The following IQSEC1 variants were observed in gnomAD, a reference collection of about 807,000 sequenced individuals.
The protein encoded by IQSEC1 is IQ motif and SEC7 domain-containing protein 1.
A neutral mutation model predicts 91.0 loss-of-function variants in IQSEC1; 31 were observed. The ratio of observed to expected loss-of-function variants is 0.34; its 90% CI spans 0.26 to 0.46. The LOEUF (loss-of-function observed/expected upper bound fraction) is 0.46, where lower values mean the gene tolerates loss of function less well. IQSEC1 is among the 20% of genes least tolerant of loss of function. The pLI is 1.00. For synonymous variants in IQSEC1, 699 were observed against 662.6 expected (o/e 1.05, Z -0.84); for missense variants, 1,388 against 1,575.6 (o/e 0.88, Z 2.02).
chr3:13,027,278 G>A (rs966973856), intron 1 of IQSEC1, among the ~76,000 whole-genome samples: 3 of 152,178 alleles, frequency 2.0e-5, no homozygotes, highest in African/African-American at 4.8e-5. Context: ...ATCTTGTCTC[G>A]GGCCTAGGAT....
At chr3:13,191,294 C>T (rs1694025527) in intron 1 of IQSEC1, among the ~76,000 whole-genome samples, 1 of 152,166 alleles carries the variant, frequency 6.6e-6, no homozygotes, top group African/African-American at 2.4e-5. Context: ...CAGACCTCTC[C>T]AGAGCTGGGC....
At chr3:13,236,350 G>A in intron 1 of IQSEC1, among the ~76,000 whole-genome samples, 1 of 152,216 alleles carries the variant, frequency 6.6e-6, no homozygotes, top group East Asian at 1.9e-4. Context: ...TGCTGGACTG[G>A]AAACTGTTCT....
At chr3:13,038,248 A>ATGTG (rs57707910) in intron 1 of IQSEC1, among the ~76,000 whole-genome samples, 22 of 116,390 alleles carry the variant, frequency 1.9e-4, no homozygotes, top group African/African-American at 2.8e-4. Flanking sequence ...AAGTATATAT[A>ATGTG]TGTGTGTGTG....
chr3:12,954,310 C>A (rs1699759602), intron 1 of IQSEC1, among the ~76,000 whole-genome samples: 1 of 152,194 alleles, frequency 6.6e-6, no homozygotes, highest in African/African-American at 2.4e-5. Context: ...GATGAGAGGG[C>A]AGCCCCTAGA....
rs59204175 is a variant in IQSEC1 at position 13,131,037 on chromosome 3, AAAGG to A, written c.302+33063_302+33066del. Among the ~76,000 whole-genome samples, 764 of 143,880 alleles carry A rather than the reference AAAGG, an allele frequency of 5.3e-3. 3 individuals carry two copies. Among genetic ancestry groups the A allele is most frequent in the Non-Finnish European group, 6.7e-3 (440 of 65,610 alleles). The allele number at this position is 143,880 out of a possible 152,430, so 94.4% of individuals were successfully genotyped here. On this transcript the variant is annotated intron_variant, in intron 2 of 15. Coordinates refer to the IQSEC1 transcript ENST00000648114. ...AGGAACGGAAGGGAAGGAAGGAAGG[AAAGG>A]AAGGAAGGAAGGAAGGAAGGAAGGA... is the stretch of plus-strand genomic sequence containing the variant.
intron 1 of IQSEC1, among the ~76,000 whole-genome samples, chr3:13,275,783 C>T (rs1197814049): frequency 6.6e-6 from 1 of 152,178 alleles, no homozygotes; most frequent in African/African-American, 2.4e-5. Flanking sequence ...GGGGAGCGGC[C>T]CTAACCAAGG....
At chr3:13,234,393 G>T (rs1418295085) in intron 1 of IQSEC1, among the ~76,000 whole-genome samples, 2 of 152,114 alleles carry the variant, frequency 1.3e-5, no homozygotes, top group Non-Finnish European at 2.9e-5. Flanking sequence ...CTGGGCAGCT[G>T]CTCCACAGGA....
intron 1 of IQSEC1, chr3:13,022,531 CCCAGGGGCTGGCCCTGCGT>C: frequency 1.1e-6 from 1 of 910,094 alleles, no homozygotes; most frequent in Non-Finnish European, 1.3e-6. Context: ...GCTGCCGGAG[CCCAGGGGCTGGCCCTGCGT>C]CCAGAGGCTG....
At chr3:13,001,095 G>A (rs1331628566) in intron 1 of IQSEC1, among the ~76,000 whole-genome samples, 1 of 151,964 alleles carries the variant, frequency 6.6e-6, no homozygotes, top group African/African-American at 2.4e-5. Flanking sequence ...GGGATTACAG[G>A]TGCTTGCCAC....
At chr3:12,948,953 C>T (rs1315731102) in intron 1 of IQSEC1, among the ~76,000 whole-genome samples, 2 of 152,208 alleles carry the variant, frequency 1.3e-5, no homozygotes, top group African/African-American at 2.4e-5. Context: ...CAAGTATACA[C>T]GGGTCTGAAT....
chr3:13,194,170 C>T (rs952457912), intron 1 of IQSEC1, among the ~76,000 whole-genome samples: 4 of 152,074 alleles, frequency 2.6e-5, no homozygotes, highest in Non-Finnish European at 4.4e-5. Flanking sequence ...CTCCTCATCC[C>T]GTTCTAAGGT....
In IQSEC1 at chr3:12,901,196, G is replaced by GTGGTGA. The variant is rs747534161; in HGVS notation, c.3126_3131dup (p.His1046_His1047dup). 58 of 1,543,840 alleles carry GTGGTGA rather than the reference G, an allele frequency of 3.8e-5. No individual in the cohort carries two copies. The highest frequency in any genetic ancestry group is 4.7e-5 in the Non-Finnish European group (54 of 1,143,140). ...GGATGTGCTGGGGTGGGTGGTGGTGGTGGTGATGGTGGTACGGGGGAGGGT... is the reference window on the plus strand; with the variant it reads ...GGATGTGCTGGGGTGGGTGGTGGTGGTGGTGATGGTGATGGTGGTACGGGGGAGGGT... On this transcript the variant is annotated inframe_insertion, in exon 14 of 14. Transcript: ENST00000613206.
In IQSEC1 at chr3:13,116,460, TAC is replaced by T. The variant is rs1451686710; in HGVS notation, c.302+47642_302+47643del. On this transcript the variant is annotated intron_variant, in intron 2 of 15. Coordinates refer to the IQSEC1 transcript ENST00000648114. ...GAGCCCAGAAATAAACCCTCGCATA[TAC>T]AGTCAAATGATTTTCAGCAGGGTGC... Among the ~76,000 whole-genome samples the T allele has an allele frequency of 2.0e-5, 3 of 152,254 alleles. No individual in the cohort carries two copies. The East Asian group carries it at 5.8e-4, about 29-fold the overall frequency.
At chr3:13,228,292 T>G (rs904441480) in intron 1 of IQSEC1, among the ~76,000 whole-genome samples, 5 of 151,830 alleles carry the variant, frequency 3.3e-5, no homozygotes, top group Non-Finnish European at 5.9e-5. Flanking sequence ...TCACTAAAGA[T>G]CCCCATTTAC....
rs1286566415 is a variant in IQSEC1, at chr3:13,193,963, T to C, written c.273-29830A>G. Among the ~76,000 whole-genome samples, 1 of 152,178 alleles carries C rather than the reference T, an allele frequency of 6.6e-6. No homozygotes were observed. Among genetic ancestry groups the C allele is most frequent in the East Asian group, 1.9e-4 (1 of 5,194 alleles). On this transcript the variant is annotated intron_variant, in intron 1 of 15. Coordinates refer to the IQSEC1 transcript ENST00000648114. The surrounding 1 kb of genome is among the most constrained non-coding windows in gnomAD (Gnocchi z 4.2). ...TGGAATTCGGAAAGCAAGGCTTTGGTTGGCAAGGGTGGTTTCTCTGGCAGC... is the reference window on the plus strand; with the variant it reads ...TGGAATTCGGAAAGCAAGGCTTTGGCTGGCAAGGGTGGTTTCTCTGGCAGC...
chr3:13,248,831 A>G lies in IQSEC1; in HGVS notation c.272+33880T>C, dbSNP rs538246197. 1.2e-4 allele frequency among the ~76,000 whole-genome samples: 18 copies of G among 152,322 alleles called. No individual in the cohort carries two copies. The South Asian group carries it at 2.9e-3, about 25-fold the overall frequency. The stretch of plus-strand genomic sequence containing the variant: ...CCTGAGGTCACAGAGCTGCACAGAG[A>G]GGCTAAGTCACCTGCCAGAGGTCAC... On this transcript the variant is annotated intron_variant, in intron 1 of 15. Transcript: ENST00000648114.
chr3:13,160,499 T>C (rs1337113927), intron 2 of IQSEC1, among the ~76,000 whole-genome samples: 1 of 152,186 alleles, frequency 6.6e-6, no homozygotes, highest in Admixed American at 6.5e-5. Flanking sequence ...CCATGAGCTC[T>C]CAAGGTCAGT....
chr3:13,155,910 C>T (rs1707078438), intron 2 of IQSEC1, among the ~76,000 whole-genome samples: 1 of 152,114 alleles, frequency 6.6e-6, no homozygotes, highest in Admixed American at 6.6e-5. Context: ...CAAAATTCAA[C>T]ACTTTTTCAT....
chr3:13,073,017 T>G lies in IQSEC1; in HGVS notation c.-3A>C. On this transcript the variant is annotated 5_prime_UTR_variant, in exon 1 of 14. Transcript: ENST00000613206. The stretch of plus-strand genomic sequence containing the variant: ...AAATAGCGTCTTCTGCAAGCCATCC[T>G]GTGTGAATCCGTTCTTCCCTGTTCT... 6.4e-7 allele frequency: 1 copy of G among 1,551,768 alleles called. No individual in the cohort carries two copies. The highest frequency in any genetic ancestry group is 2.0e-5 in the Admixed American group (1 of 51,016).
Sources: gnomAD v4.1 joint callset for allele counts (sites outside exome capture counted in the v4.1 genomes callset) on GRCh38, gnomAD v4.1.1 for gene constraint, Gnocchi (gnomAD v3.1) non-coding constraint, MANE v1.5 for transcripts, NCBI Gene and HGNC (gene_info 2026-07-23, HGNC 2026-07-21) for gene names.